Variants in UNC79 observed in about 807,000 individuals in gnomAD.
UNC79 encodes protein unc-79 homolog.
UNC79 carries 37 observed loss-of-function variants against 283.1 expected under a neutral mutation model. The ratio of observed to expected loss-of-function variants is 0.13; its 90% CI spans 0.10 to 0.17. The LOEUF is 0.17. Among genes scored for constraint, UNC79 ranks in the 10% least tolerant of loss-of-function variants. The pLI is 1.00. For synonymous variants in UNC79, 1,107 were observed against 1,200.2 expected, an observed-to-expected ratio of 0.92 and a Z score of 1.61; for missense variants, 2,272 against 3,211.1, an observed-to-expected ratio of 0.71 and a Z score of 7.07.
At position 93,474,394 on chromosome 14, in the gene UNC79, G is replaced by T; in HGVS notation, c.448+1G>T. 6.5e-7 allele frequency: 1 copy of T among 1,533,766 alleles called. No individual in the cohort carries two copies. Among genetic ancestry groups the T allele is most frequent in the Non-Finnish European group, 8.7e-7 (1 of 1,145,164 alleles). The stretch of plus-strand genomic sequence containing the variant: ...CCTTTACTACAGCACGGCCAACACG[G>T]TGAGCACTTAGCTGAAACCTTTGGA... On this transcript the variant is annotated splice_donor_variant, in intron 3 of 48. Coordinates refer to ENST00000555664, the Ensembl canonical transcript of UNC79. LOFTEE classifies it high-confidence loss of function. This position sits in a 1 kb window ranked among gnomAD's most constrained non-coding sequence, Gnocchi z 4.1.
intron 14 of UNC79, among the ~76,000 whole-genome samples, chr14:93,553,957 T>C (rs2062024590): frequency 6.6e-6 from 1 of 152,232 alleles, no homozygotes; most frequent in Non-Finnish European, 1.5e-5. Context: ...CCACAGTTTA[T>C]TTATTTAACC....
chr14:93,560,804 TG>T (rs1044660215), intron 14 of UNC79, among the ~76,000 whole-genome samples: 1 of 151,934 alleles, frequency 6.6e-6, no homozygotes, highest in African/African-American at 2.4e-5. Context: ...GAAGGAATGC[TG>T]AAAGGGGTGT....
At chr14:93,510,290 A>G (rs892181351) in intron 7 of UNC79, among the ~76,000 whole-genome samples, 1 of 152,102 alleles carries the variant, frequency 6.6e-6, no homozygotes, top group African/African-American at 2.4e-5. Context: ...AATTTTCCCC[A>G]TTGTCTTGGA....
At chr14:93,670,438 C>G (rs2072718870) in intron 40 of UNC79, among the ~76,000 whole-genome samples, 1 of 152,148 alleles carries the variant, frequency 6.6e-6, no homozygotes, top group African/African-American at 2.4e-5. Flanking sequence ...TAGAGCAGCT[C>G]ACAGAACTCA....
intron 5 of UNC79, among the ~76,000 whole-genome samples, chr14:93,488,088 G>A (rs2058536235): frequency 6.6e-6 from 1 of 152,108 alleles, no homozygotes; most frequent in African/African-American, 2.4e-5. Flanking sequence ...TTGGTAAATT[G>A]GCTACCCCAA....
At chr14:93,405,778 G>T (rs1002168520) in intron 1 of UNC79, among the ~76,000 whole-genome samples, 2 of 152,182 alleles carry the variant, frequency 1.3e-5, no homozygotes, top group African/African-American at 4.8e-5. Context: ...TACAGCTAAG[G>T]TGACACTGGA....
chr14:93,560,501 T>G (rs2141420753), intron 14 of UNC79, among the ~76,000 whole-genome samples: 1 of 152,184 alleles, frequency 6.6e-6, no homozygotes, highest in African/African-American at 2.4e-5. Flanking sequence ...CTACGGAAGG[T>G]CGTGATAGAG....
At chr14:93,441,504 C>A (rs2056297158) in intron 1 of UNC79, among the ~76,000 whole-genome samples, 1 of 151,888 alleles carries the variant, frequency 6.6e-6, no homozygotes, top group African/African-American at 2.4e-5. Flanking sequence ...TAAACTCTTT[C>A]ATTATGCAGT....
chr14:93,349,475 A>T (rs1197597651), intron 1 of UNC79, among the ~76,000 whole-genome samples: 2 of 152,080 alleles, frequency 1.3e-5, no homozygotes, highest in African/African-American at 4.8e-5. Context: ...ATCTTCCTGG[A>T]TGTTGCCTAA....
chr14:93,375,862 A>G (rs1190684152), intron 1 of UNC79, among the ~76,000 whole-genome samples: 1 of 152,116 alleles, frequency 6.6e-6, no homozygotes, highest in Non-Finnish European at 1.5e-5. Flanking sequence ...TTGACATGAG[A>G]TTTGGGCGGG....
chr14:93,622,182 A>G, exon 30 of UNC79: 6 of 1,614,092 alleles, frequency 3.7e-6, no homozygotes, highest in Non-Finnish European at 5.1e-6. Context: ...GAAGAAGAGG[A>G]GACGATGAAC....
At chr14:93,652,447 AG>A (rs1384152374) in intron 35 of UNC79, among the ~76,000 whole-genome samples, 1 of 151,888 alleles carries the variant, frequency 6.6e-6, no homozygotes, top group African/African-American at 2.4e-5. Context: ...TGTAGAAATG[AG>A]GGGGGTTTGC....
intron 1 of UNC79, among the ~76,000 whole-genome samples, chr14:93,344,838 C>T (rs2053790577): frequency 6.6e-6 from 1 of 152,150 alleles, no homozygotes; most frequent in South Asian, 2.1e-4. Flanking sequence ...AGGGAGGTGG[C>T]CAGCCATGGT....
At chr14:93,521,661 T>TA (rs2060327049) in intron 7 of UNC79, among the ~76,000 whole-genome samples, 1 of 151,518 alleles carries the variant, frequency 6.6e-6, no homozygotes, top group Non-Finnish European at 1.5e-5. Flanking sequence ...CAAATATATA[T>TA]TTTTTAGTTC....
rs760461542 is a variant in UNC79 at position 93,586,912 on chromosome 14, C to A, written c.3032+4C>A. The A allele has an allele frequency of 1.2e-6, 2 of 1,612,812 alleles. No individual in the cohort carries two copies. Among genetic ancestry groups the A allele is most frequent in the Non-Finnish European group, 1.7e-6 (2 of 1,179,692 alleles). On this transcript the variant is annotated splice_donor_region_variant and intron_variant, in intron 22 of 48. Transcript: ENST00000555664. ...AGGACCACATGTTGATTGCAAGGTA[C>A]GTCTTCCTAATGGTTTGTTTTGATT... is the stretch of plus-strand genomic sequence containing the variant.
chr14:93,382,833 T>C (rs1174637403), intron 1 of UNC79, among the ~76,000 whole-genome samples: 3 of 152,088 alleles, frequency 2.0e-5, no homozygotes, highest in Non-Finnish European at 2.9e-5. Flanking sequence ...CAATATTAAA[T>C]ACTGATTGAT....
intron 14 of UNC79, 101 bp from the exon 15 acceptor site, chr14:93,571,793 T>C: frequency 8.2e-7 from 1 of 1,219,166 alleles, no homozygotes; most frequent in Non-Finnish European, 1.1e-6. Flanking sequence ...ACATGATGGA[T>C]TGTGGCCTTT....
chr14:93,665,865 A>G (rs1247544724), intron 40 of UNC79, among the ~76,000 whole-genome samples: 2 of 152,090 alleles, frequency 1.3e-5, no homozygotes, highest in Non-Finnish European at 2.9e-5. Flanking sequence ...AACAACTACT[A>G]AAAGATGTAA....
Position 93,653,645 on chromosome 14 carries a change from G to C in UNC79, c.6084-97G>C, listed in dbSNP as rs529700541. 1.8e-4 allele frequency: 181 copies of C among 1,026,536 alleles called. 2 individuals carry two copies. The South Asian group carries it at 1.8e-3, about 10-fold the overall frequency. The allele number at this position is 1,026,536 out of a possible 1,614,324, so 63.6% of individuals were successfully genotyped here. The stretch of plus-strand genomic sequence containing the variant: ...AACATGACAGTGAGCTATCCCATCA[G>C]AGGCATGGTGTGCAAATGTCTGAAC... On this transcript the variant is annotated intron_variant, in intron 35 of 48. Transcript: ENST00000555664.
Sources: gnomAD v4.1 joint callset for allele counts (sites outside exome capture counted in the v4.1 genomes callset) on GRCh38, gnomAD v4.1.1 for gene constraint, Gnocchi (gnomAD v3.1) non-coding constraint, MANE v1.5 for transcripts, NCBI Gene and HGNC (gene_info 2026-07-23, HGNC 2026-07-21) for gene names.